Variants in ZNF407 observed in about 807,000 individuals in gnomAD.
ZNF407 encodes the protein zinc finger protein 407.
ZNF407 carries 17 observed loss-of-function variants against 131.2 expected under a neutral mutation model. That is an observed-to-expected ratio of 0.13 (90% CI 0.09 to 0.19). The LOEUF (loss-of-function observed/expected upper bound fraction) is 0.19, where lower values mean the gene tolerates loss of function less well. Ranked by LOEUF, ZNF407 falls within the 10% of genes least tolerant of loss-of-function variation. The pLI is 1.00. For missense variants in ZNF407, 2,681 were observed against 2,830.6 expected (o/e 0.95, Z 1.20); for synonymous variants, 1,156 against 1,062.0 (o/e 1.09, Z -1.72).
chr18:74,777,955 G>A (rs967290306), intron 3 of ZNF407, among the ~76,000 whole-genome samples: 24 of 152,094 alleles, frequency 1.6e-4, no homozygotes, highest in Non-Finnish European at 1.0e-4. Flanking sequence ...AGTGGCGCAT[G>A]GCTTCAGTCC....
intron 3 of ZNF407, among the ~76,000 whole-genome samples, chr18:74,740,604 A>G (rs1212742518): frequency 1.3e-5 from 2 of 152,084 alleles, no homozygotes; most frequent in Non-Finnish European, 2.9e-5. Context: ...GATCAGGGAA[A>G]CTTTATTGTT....
chr18:74,737,310 T>C (rs1198758710), intron 3 of ZNF407, among the ~76,000 whole-genome samples: 1 of 152,182 alleles, frequency 6.6e-6, no homozygotes, highest in South Asian at 2.1e-4. Context: ...TTAGCACTGT[T>C]GGGGAAAATA....
At chr18:74,900,776 T>C (rs999000858) in intron 7 of ZNF407, among the ~76,000 whole-genome samples, 1 of 152,226 alleles carries the variant, frequency 6.6e-6, no homozygotes, top group Non-Finnish European at 1.5e-5. Flanking sequence ...TGTTTTCACC[T>C]ATCTTTTGTT....
At chr18:74,637,678 C>A (rs1013028611) in intron 2 of ZNF407, among the ~76,000 whole-genome samples, 1 of 151,926 alleles carries the variant, frequency 6.6e-6, no homozygotes, top group Non-Finnish European at 1.5e-5. Flanking sequence ...TTTCTTGGAG[C>A]ATCTTAAAAT....
At chr18:74,830,652 C>T (rs1970469615) in intron 4 of ZNF407, among the ~76,000 whole-genome samples, 2 of 151,872 alleles carry the variant, frequency 1.3e-5, no homozygotes, top group Admixed American at 6.6e-5. Context: ...TAATGTATGG[C>T]GTATGTATGG....
intron 3 of ZNF407, among the ~76,000 whole-genome samples, chr18:74,758,625 C>G (rs1599129893): frequency 6.6e-6 from 1 of 152,154 alleles, no homozygotes; most frequent in African/African-American, 2.4e-5. Context: ...GAGTCTTACT[C>G]TGTCACCCAG....
intron 8 of ZNF407, among the ~76,000 whole-genome samples, chr18:74,958,476 C>A (rs1424930249): frequency 6.6e-6 from 1 of 151,916 alleles, no homozygotes; most frequent in Non-Finnish European, 1.5e-5. Flanking sequence ...GTCATATACA[C>A]ACCTGAGCTG....
intron 3 of ZNF407, among the ~76,000 whole-genome samples, chr18:74,737,452 A>C (rs77254545): frequency 6.6e-6 from 1 of 152,226 alleles, no homozygotes; most frequent in Non-Finnish European, 1.5e-5. Context: ...TTATATGTAC[A>C]TATGTATTAA....
intron 3 of ZNF407, among the ~76,000 whole-genome samples, chr18:74,704,102 G>C (rs1246927583): frequency 6.6e-6 from 1 of 152,106 alleles, no homozygotes; most frequent in Non-Finnish European, 1.5e-5. Flanking sequence ...AATCTGGTCA[G>C]GCATGGCCAT....
intron 4 of ZNF407, among the ~76,000 whole-genome samples, chr18:74,791,722 C>T (rs2145051073): frequency 6.6e-6 from 1 of 152,234 alleles, no homozygotes; most frequent in East Asian, 1.9e-4. Context: ...ACTTAGAATG[C>T]TGATTTAGCA....
intron 3 of ZNF407, among the ~76,000 whole-genome samples, chr18:74,772,878 G>T (rs995355209): frequency 6.6e-6 from 1 of 152,058 alleles, no homozygotes; most frequent in Non-Finnish European, 1.5e-5. Context: ...AATGGAAAAA[G>T]AAAAGTCTTG....
chr18:74,684,004 G>GA (rs1292112690), intron 3 of ZNF407, among the ~76,000 whole-genome samples: 5 of 152,120 alleles, frequency 3.3e-5, no homozygotes, highest in African/African-American at 1.2e-4. Context: ...TTTTTGTAGT[G>GA]AAAATCATAG....
chr18:74,886,457 A>G (rs1971311210), intron 6 of ZNF407, among the ~76,000 whole-genome samples: 1 of 152,188 alleles, frequency 6.6e-6, no homozygotes, highest in Non-Finnish European at 1.5e-5. Flanking sequence ...GGCTCAGAGA[A>G]GGTTTGTTTG....
chr18:74,684,337 T>A lies in ZNF407; in HGVS notation c.4802+43215T>A, dbSNP rs568727635. 5.7e-4 allele frequency among the ~76,000 whole-genome samples: 87 copies of A among 152,340 alleles called. No homozygotes were observed. The Middle Eastern group carries it at 0.014, about 24-fold the overall frequency. The stretch of plus-strand genomic sequence containing the variant: ...ACAGCTTTAAGGGAAAACATTTTTT[T>A]AAAAATTTAATTTCTTAGATTGAAT... On this transcript the variant is annotated intron_variant, in intron 3 of 8. Transcript: ENST00000299687.
intron 4 of ZNF407, among the ~76,000 whole-genome samples, chr18:74,824,627 T>C (rs568698018): frequency 6.6e-6 from 1 of 152,250 alleles, no homozygotes; most frequent in South Asian, 2.1e-4. Flanking sequence ...AATGGATAAA[T>C]TGCTGGACAC....
Position 74,631,607 on chromosome 18 carries a change from T to C in ZNF407, c.588T>C (p.Ser196=). The C allele has an allele frequency of 6.2e-7, 1 of 1,613,904 alleles. No individual in the cohort carries two copies. The highest frequency in any genetic ancestry group is 1.1e-5 in the South Asian group (1 of 91,082). The change falls in exon 2 of 9, where the codon TCT becomes TCC. Residue 196 remains serine (S), a synonymous_variant. Coordinates refer to ENST00000299687, the MANE Select transcript of ZNF407 (RefSeq NM_017757.3). ...GCAGCATCTGTGGGCATTTGTTTTC[T>C]TCTTGCTCTGACTTGGAAAAACATG... ...LKCSICGHLF[S]SCSDLEKHAE... is the part of the protein sequence containing the mutation.
chr18:74,915,445 T>G, intron 7 of ZNF407, among the ~76,000 whole-genome samples: 1 of 121,514 alleles, frequency 8.2e-6, no homozygotes, highest in South Asian at 3.0e-4. Context: ...ACTGGTATGG[T>G]GAGGTTGTGT....
intron 1 of ZNF407, among the ~76,000 whole-genome samples, chr18:74,604,370 CA>C (rs5826342): frequency 0.51 from 76,803 of 151,942 alleles, 20,937 homozygotes; most frequent in East Asian, 0.71. Flanking sequence ...CTATGTCCAC[CA>C]GGGGTCTTAG....
intron 3 of ZNF407, among the ~76,000 whole-genome samples, chr18:74,679,793 G>C (rs1754637789): frequency 6.6e-6 from 1 of 152,158 alleles, no homozygotes; most frequent in African/African-American, 2.4e-5. Context: ...GTGAATACTT[G>C]AAGTTGGTTG....
Sources: allele counts gnomAD v4.1 joint callset (sites outside exome capture counted in the v4.1 genomes callset), GRCh38; gene constraint gnomAD v4.1.1; transcripts MANE v1.5; gene names NCBI Gene and HGNC (gene_info 2026-07-23, HGNC 2026-07-21).